The following UNC13C variants were observed in gnomAD, a reference collection of about 807,000 sequenced individuals.
UNC13C encodes protein unc-13 homolog C.
A neutral mutation model predicts 245.4 loss-of-function variants in UNC13C; 174 were observed. The ratio of observed to expected loss-of-function variants is 0.71; its 90% CI spans 0.63 to 0.80. The LOEUF is 0.80. Among genes scored for constraint, UNC13C ranks in the 30% least tolerant of loss-of-function variants. The pLI is 0.00. For synonymous variants in UNC13C, 992 were observed against 895.1 expected, an observed-to-expected ratio of 1.11 and a Z score of -1.93; for missense variants, 2,829 against 2,602.9, an observed-to-expected ratio of 1.09 and a Z score of -1.89.
chr15:53,905,347 T>A, the UNC13C span, among the ~76,000 whole-genome samples: 1 of 151,468 alleles, frequency 6.6e-6, no homozygotes, highest in African/African-American at 2.4e-5. Flanking sequence ...TAAGATTTCA[T>A]CTTTATATAT....
At chr15:54,615,950 A>G (rs1049064566) in intron 30 of UNC13C, among the ~76,000 whole-genome samples, 1 of 152,064 alleles carries the variant, frequency 6.6e-6, no homozygotes, top group African/African-American at 2.4e-5. Flanking sequence ...CTTTATGTCT[A>G]AAACAAAAAG....
At chr15:54,568,887 C>T (rs1897628439) in intron 30 of UNC13C, among the ~76,000 whole-genome samples, 1 of 152,014 alleles carries the variant, frequency 6.6e-6, no homozygotes. Context: ...AGGTAGTCTG[C>T]CTATAACACT....
chr15:53,976,154 C>T (rs551138667), upstream of UNC13C, among the ~76,000 whole-genome samples: 50 of 152,264 alleles, frequency 3.3e-4, no homozygotes, highest in East Asian at 9.7e-4. Context: ...GTCACTCTAA[C>T]GGCAACATAT....
intron 30 of UNC13C, among the ~76,000 whole-genome samples, chr15:54,605,176 CA>C: frequency 6.6e-6 from 1 of 152,220 alleles, no homozygotes; most frequent in South Asian, 2.1e-4. Context: ...ACAGTGGCCC[CA>C]GGGGAGGGTC....
At chr15:54,135,554 A>G (rs2031685117) in intron 2 of UNC13C, among the ~76,000 whole-genome samples, 1 of 152,134 alleles carries the variant, frequency 6.6e-6, no homozygotes, top group Non-Finnish European at 1.5e-5. Context: ...TATTGAAGAG[A>G]CAGTCCTTTC....
the UNC13C span, among the ~76,000 whole-genome samples, chr15:53,972,249 C>A: frequency 3.9e-5 from 6 of 152,182 alleles, no homozygotes; most frequent in African/African-American, 1.4e-4. Flanking sequence ...ATAAGAGCTT[C>A]TTTTTCCCTG....
At chr15:54,507,263 G>C in intron 23 of UNC13C, 69 bp downstream of exon 23, 1 of 1,043,116 alleles carries the variant, frequency 9.6e-7, no homozygotes, top group Non-Finnish European at 1.4e-6. Context: ...GTATGAGTAA[G>C]CAAGATAAAT....
At chr15:53,883,557 G>GCAAATAC in the UNC13C span, among the ~76,000 whole-genome samples, 7 of 152,202 alleles carry the variant, frequency 4.6e-5, no homozygotes, top group East Asian at 1.4e-3. Context: ...TAGAGCTATT[G>GCAAATAC]GTAAAGCAAT....
the UNC13C span, among the ~76,000 whole-genome samples, chr15:53,842,612 G>A: frequency 6.6e-6 from 1 of 152,128 alleles, no homozygotes; most frequent in South Asian, 2.1e-4. Context: ...ATGTTGCTTA[G>A]GTGGTAGGAT....
intron 4 of UNC13C, among the ~76,000 whole-genome samples, chr15:54,211,026 A>G (rs1157978577): frequency 2.0e-5 from 3 of 152,154 alleles, no homozygotes; most frequent in Non-Finnish European, 4.4e-5. Flanking sequence ...AAAGAAATGC[A>G]GGGCATTCAT....
the UNC13C span, among the ~76,000 whole-genome samples, chr15:53,876,051 G>A: frequency 6.6e-5 from 10 of 152,154 alleles, no homozygotes; most frequent in Non-Finnish European, 1.0e-4. Context: ...CCCACGTAAT[G>A]ATTTTTTATG....
chr15:54,159,922 G>C (rs1048323930), intron 4 of UNC13C, among the ~76,000 whole-genome samples: 1 of 152,124 alleles, frequency 6.6e-6, no homozygotes, highest in African/African-American at 2.4e-5. Context: ...TCTTCCCTTA[G>C]TTACTATTAA....
chr15:54,628,272 G>T lies in UNC13C; in HGVS notation c.*1159G>T, dbSNP rs1463376780. ...TGTATTGTTATGATTTGACTTTTTA[G>T]AGTCTATGCCAAAATATATGGCTGT... On this transcript the variant is annotated 3_prime_UTR_variant, in exon 33 of 33. Transcript: ENST00000260323. The T allele has an allele frequency of 6.6e-6, 1 of 152,150 alleles. No homozygotes were observed. The highest frequency in any genetic ancestry group is 1.5e-5 in the Non-Finnish European group (1 of 68,010). The allele number at this position is 152,150 out of a possible 1,614,324, so 9.4% of individuals were successfully genotyped here. A position where few individuals can be genotyped will look rare whatever the true frequency, so the allele number is the denominator to read the frequency against.
At chr15:54,002,812 G>A (rs773550384) in intron 1 of UNC13C, among the ~76,000 whole-genome samples, 6 of 152,336 alleles carry the variant, frequency 3.9e-5, no homozygotes, top group East Asian at 1.9e-4. Flanking sequence ...TTTAAGGACA[G>A]AGTTAGATTG....
chr15:54,616,871 T>C (rs1277380469), intron 30 of UNC13C, among the ~76,000 whole-genome samples: 1 of 152,052 alleles, frequency 6.6e-6, no homozygotes, highest in Non-Finnish European at 1.5e-5. Flanking sequence ...ACAAGCTCCA[T>C]TCATGGTAAG....
At chr15:53,959,997 T>C in the UNC13C span, among the ~76,000 whole-genome samples, 1 of 152,186 alleles carries the variant, frequency 6.6e-6, no homozygotes, top group Non-Finnish European at 1.5e-5. Context: ...TAAGCATTAC[T>C]TTTCCCATTA....
chr15:54,436,607 G>A (rs951922502), intron 19 of UNC13C, among the ~76,000 whole-genome samples: 7 of 151,914 alleles, frequency 4.6e-5, no homozygotes, highest in Non-Finnish European at 8.8e-5. Flanking sequence ...AATGGGAGTT[G>A]AACAATGAGA....
chr15:53,901,440 G>T, the UNC13C span, among the ~76,000 whole-genome samples: 2 of 151,548 alleles, frequency 1.3e-5, no homozygotes, highest in Non-Finnish European at 2.9e-5. Flanking sequence ...TAGCCAGGAT[G>T]GTCTCGATCT....
the UNC13C span, among the ~76,000 whole-genome samples, chr15:53,900,855 A>C: frequency 6.6e-6 from 1 of 152,196 alleles, no homozygotes; most frequent in Non-Finnish European, 1.5e-5. Context: ...GAGCTACAGG[A>C]ATAGGCACTT....
Sources: gnomAD v4.1 joint callset for allele counts (sites outside exome capture counted in the v4.1 genomes callset) on GRCh38, gnomAD v4.1.1 for gene constraint, MANE v1.5 for transcripts, NCBI Gene and HGNC (gene_info 2026-07-23, HGNC 2026-07-21) for gene names.